The following ZNF292 variants were observed in gnomAD, a reference collection of about 807,000 sequenced individuals.
ZNF292 encodes 16 zinc-finger domain protein.
ZNF292 carries 26 observed loss-of-function variants against 217.9 expected under a neutral mutation model. The observed-to-expected ratio is 0.12, with a 90% CI of 0.09 to 0.17. The LOEUF (loss-of-function observed/expected upper bound fraction) is 0.17. ZNF292 is among the 10% of genes least tolerant of loss of function. ZNF292 has a pLI of 1.00. For synonymous variants in ZNF292, 1,257 were observed against 1,124.1 expected (o/e 1.12, Z -2.37); for missense variants, 2,904 against 3,175.2 (o/e 0.91, Z 2.05).
chr6:87,191,689 C>T (rs566773800), intron 1 of ZNF292, among the ~76,000 whole-genome samples: 2 of 152,216 alleles, frequency 1.3e-5, no homozygotes, highest in Middle Eastern at 3.4e-3. Context: ...TATTTTGAGA[C>T]GGAGTCTTGC....
At chr6:87,187,850 G>A (rs571667403) in intron 1 of ZNF292, among the ~76,000 whole-genome samples, 3 of 152,010 alleles carry the variant, frequency 2.0e-5, no homozygotes, top group Non-Finnish European at 4.4e-5. Flanking sequence ...GTAGACCCCA[G>A]GCATGTAAAT....
At chr6:87,227,423 T>C (rs1253071219) in intron 4 of ZNF292, among the ~76,000 whole-genome samples, 1 of 151,052 alleles carries the variant, frequency 6.6e-6, no homozygotes, top group African/African-American at 2.5e-5. Flanking sequence ...TTTTTTTAAA[T>C]ATATTTTTAA....
rs774339037 is a variant in ZNF292 at position 87,256,085 on chromosome 6, G to A, written c.2456G>A (p.Arg819His). 38 of 1,612,876 alleles carry A rather than the reference G, an allele frequency of 2.4e-5. No homozygotes were observed. Among genetic ancestry groups the A allele is most frequent in the African/African-American group, 1.2e-4 (9 of 74,908 alleles). The change falls in exon 8 of 8, where the codon CGT (arginine) becomes CAT (histidine). Residue 819 changes from arginine to histidine, a missense_variant. Coordinates refer to ENST00000369577, the MANE Select transcript of ZNF292 (RefSeq NM_015021.3). The stretch of plus-strand genomic sequence containing the variant: ...TTCACAGGTTGTGGTAAAGTTTATC[G>A]TTCTCAGGGTGAGCTGGAAAAGCAT... ...CKFTGCGKVY[R>H]SQGELEKHLD...
intron 1 of ZNF292, among the ~76,000 whole-genome samples, chr6:87,178,779 C>CT (rs1253606917): frequency 6.6e-6 from 1 of 152,016 alleles, no homozygotes; most frequent in Non-Finnish European, 1.5e-5. Flanking sequence ...CATTTTATTT[C>CT]TTTTTTTAGG....
At chr6:87,184,888 AGTCTT>A (rs1771594740) in intron 1 of ZNF292, among the ~76,000 whole-genome samples, 1 of 152,212 alleles carries the variant, frequency 6.6e-6, no homozygotes, top group South Asian at 2.1e-4. Flanking sequence ...GCAGAAGAAA[AGTCTT>A]GTCCTAACTC....
At chr6:87,235,687 G>A (rs912772580) in intron 5 of ZNF292, among the ~76,000 whole-genome samples, 2 of 152,106 alleles carry the variant, frequency 1.3e-5, no homozygotes, top group Non-Finnish European at 1.5e-5. Context: ...GCCTACTCTG[G>A]GAGATGATCA....
intron 5 of ZNF292, among the ~76,000 whole-genome samples, chr6:87,238,739 G>A (rs537019096): frequency 1.3e-5 from 2 of 148,682 alleles, no homozygotes; most frequent in South Asian, 4.2e-4. Flanking sequence ...AGGGGCATTT[G>A]GCAGGGTCAT....
At chr6:87,240,742 A>G (rs1486887132) in intron 5 of ZNF292, among the ~76,000 whole-genome samples, 1 of 152,234 alleles carries the variant, frequency 6.6e-6, no homozygotes, top group Non-Finnish European at 1.5e-5. Flanking sequence ...AGGTTTTAGA[A>G]GAACAACAAA....
intron 4 of ZNF292, among the ~76,000 whole-genome samples, chr6:87,226,774 A>G (rs9342107): frequency 0.93 from 140,438 of 151,156 alleles, 65,365 homozygotes; most frequent in East Asian, 1. Context: ...CGCCTCCTGG[A>G]TTCAAGCGAT....
At chr6:87,159,935 A>C (rs1314025825) in intron 1 of ZNF292, among the ~76,000 whole-genome samples, 1 of 152,350 alleles carries the variant, frequency 6.6e-6, no homozygotes, top group South Asian at 2.1e-4. Flanking sequence ...GAATAACCAG[A>C]AGTAATTTCT....
rs766943115 is a variant in ZNF292 at position 87,257,347 on chromosome 6, C to G, written c.3718C>G (p.Pro1240Ala). ...QMENLPSTAL[P>A]AQMEDLTKTV... ...GGAAAATTTACCTAGTACTGCCTTG[C>G]CAGCACAAATGGAAGATCTAACCAA... Residue 1240 changes from proline to alanine, a missense_variant, in exon 8 of 8, where the codon CCA becomes GCA. This residue lies in a region of ZNF292 where 687 missense variants were observed against 623.0 expected (regional missense o/e 1.10). Transcript: ENST00000369577. 1.9e-6 allele frequency: 3 copies of G among 1,613,504 alleles called. No homozygotes were observed. The highest frequency in any genetic ancestry group is 2.2e-5 in the East Asian group (1 of 44,882).
intron 1 of ZNF292, among the ~76,000 whole-genome samples, chr6:87,188,828 T>G (rs995280963): frequency 1.3e-4 from 19 of 151,800 alleles, no homozygotes; most frequent in Non-Finnish European, 2.1e-4. Context: ...TGGCTATATA[T>G]TAATCTAAAC....
At chr6:87,182,752 A>G (rs1324861079) in intron 1 of ZNF292, among the ~76,000 whole-genome samples, 2 of 152,252 alleles carry the variant, frequency 1.3e-5, no homozygotes, top group Admixed American at 1.3e-4. Flanking sequence ...AATTTGCTAT[A>G]TCCAGTAGCC....
chr6:87,242,752 A>G (rs1055781870), intron 5 of ZNF292, among the ~76,000 whole-genome samples: 4 of 152,214 alleles, frequency 2.6e-5, no homozygotes, highest in African/African-American at 7.2e-5. Flanking sequence ...TTCGTTTTAT[A>G]TAGTACATCA....
At chr6:87,201,530 G>A (rs944567400) in intron 1 of ZNF292, among the ~76,000 whole-genome samples, 1 of 152,064 alleles carries the variant, frequency 6.6e-6, no homozygotes, top group East Asian at 1.9e-4. Context: ...TCAGCTTCCC[G>A]AGTGGCTGGG....
chr6:87,166,383 A>G (rs546666308), intron 1 of ZNF292, among the ~76,000 whole-genome samples: 25 of 152,328 alleles, frequency 1.6e-4, no homozygotes, highest in African/African-American at 5.8e-4. Flanking sequence ...TGGGAGAAAT[A>G]TTTAGCTCTG....
intron 5 of ZNF292, among the ~76,000 whole-genome samples, chr6:87,236,028 A>T (rs1268404323): frequency 6.6e-6 from 1 of 152,218 alleles, no homozygotes; most frequent in Non-Finnish European, 1.5e-5. Context: ...TTATAAACAC[A>T]TTAGAAACTT....
intron 4 of ZNF292, among the ~76,000 whole-genome samples, chr6:87,231,742 C>CT (rs2127822464): frequency 6.6e-6 from 1 of 152,248 alleles, no homozygotes; most frequent in South Asian, 2.1e-4. Context: ...TACTTCCCAC[C>CT]TTTAAGTTAT....
intron 5 of ZNF292, among the ~76,000 whole-genome samples, chr6:87,241,537 A>C (rs752771520): frequency 6.6e-6 from 1 of 150,728 alleles, no homozygotes; most frequent in Non-Finnish European, 1.5e-5. Flanking sequence ...TCCCACCTCA[A>C]CCTCCCCAGT....
Sources: allele counts gnomAD v4.1 joint callset (sites outside exome capture counted in the v4.1 genomes callset), GRCh38; gene constraint gnomAD v4.1.1; regional missense constraint gnomAD v4.1.1; transcripts MANE v1.5; gene names NCBI Gene and HGNC (gene_info 2026-07-23, HGNC 2026-07-21).